NPL: variants seen among roughly 807,000 people sequenced by gnomAD.
NPL encodes the protein N-acetylneuraminate lyase.
A neutral mutation model predicts 41.1 loss-of-function variants in NPL; 32 were observed. The ratio of observed to expected loss-of-function variants is 0.78; its 90% CI spans 0.59 to 1.05. The LOEUF (loss-of-function observed/expected upper bound fraction) is 1.05, where lower values mean the gene tolerates loss of function less well. Among genes scored for constraint, NPL ranks in the 50% least tolerant of loss-of-function variants. The pLI is 0.00. For missense variants in NPL, 321 were observed against 378.4 expected, an observed-to-expected ratio of 0.85 and a Z score of 1.26; for synonymous variants, 128 against 134.9, an observed-to-expected ratio of 0.95 and a Z score of 0.35.
At chr1:182,825,670 G>C in intron 11 of NPL, 111 bp from the exon 12 acceptor site, 2 of 773,178 alleles carry the variant, frequency 2.6e-6, no homozygotes. Context: ...CAGACCTTCA[G>C]TAAATGAAGG....
chr1:182,803,979 G>T (rs1666931978), intron 4 of NPL, among the ~76,000 whole-genome samples: 1 of 152,130 alleles, frequency 6.6e-6, no homozygotes, highest in South Asian at 2.1e-4. Context: ...TTGATAGTGT[G>T]CCAACACTTA....
In NPL at chr1:182,816,576, G is replaced by T; in HGVS notation, c.365-138G>T. On this transcript the variant is annotated intron_variant, in intron 7 of 12. Coordinates refer to ENST00000367553, the MANE Select transcript of NPL (RefSeq NM_030769.3). ...TTGCAAAAACATTGCAGTAGCAGTAGCAGGGATAGTAAAAGTGGTTGAGAA... is the reference window on the plus strand; with the variant it reads ...TTGCAAAAACATTGCAGTAGCAGTATCAGGGATAGTAAAAGTGGTTGAGAA... 4.3e-6 allele frequency: 3 copies of T among 692,164 alleles called. No homozygotes were observed. The South Asian group carries it at 4.5e-5, about 10-fold the overall frequency. The allele number at this position is 692,164 out of a possible 1,614,324, so 42.9% of individuals were successfully genotyped here.
At position 182,816,696 on chromosome 1, in the gene NPL, T is replaced by C; in HGVS notation, c.365-18T>C. The C allele has an allele frequency of 6.3e-7, 1 of 1,581,492 alleles. No individual in the cohort carries two copies. Among genetic ancestry groups the C allele is most frequent in the Non-Finnish European group, 8.7e-7 (1 of 1,151,426 alleles). On this transcript the variant is annotated intron_variant, in intron 7 of 12. Transcript: ENST00000367553. ...TTTACACCTGTTCACACCATGACTG[T>C]TCCTACTGTTCTTTCAGATATCCTG...
chr1:182,805,595 T>C (rs1666981291), intron 4 of NPL, among the ~76,000 whole-genome samples: 1 of 152,364 alleles, frequency 6.6e-6, no homozygotes, highest in South Asian at 2.1e-4. Context: ...TGCTGGGTTG[T>C]TGTGAGAGTA....
Position 182,828,787 on chromosome 1 carries a change from C to A in NPL, c.842C>A (p.Pro281His), listed in dbSNP as rs1361120784. ...GTCTCTGGGATTCCAATGGGCCCAC[C>A]CCGGCTTCCACTGCAGAAAGCCTCC... ...TLVSGIPMGP[P>H]RLPLQKASRE... The change falls in exon 13 of 13, where the codon CCC becomes CAC. Residue 281 changes from proline (P) to histidine (H), a missense_variant. By Grantham distance (77) the Pro-to-His change is moderately conservative. Transcript: ENST00000367553. This position sits in a 1 kb window ranked among gnomAD's most constrained non-coding sequence, Gnocchi z 4.0. 3.1e-6 allele frequency: 5 copies of A among 1,613,986 alleles called. No homozygotes were observed. The South Asian group carries it at 4.4e-5, about 14-fold the overall frequency.
In NPL at chr1:182,813,234, G is replaced by A. The variant is rs538891636; in HGVS notation, c.288+1021G>A. On this transcript the variant is annotated intron_variant, in intron 6 of 12. Transcript: ENST00000367553. ...ACCTGGACTGCTATAAATTAACCAA[G>A]TTTCCAGAACTTAGATATTCTACCT... Among the ~76,000 whole-genome samples the A allele has an allele frequency of 4.0e-5, 6 of 151,210 alleles. No individual in the cohort carries two copies. The South Asian group carries it at 1.3e-3, about 32-fold the overall frequency.
rs1254330172 is a variant in NPL, at chr1:182,825,789, C to A, written c.747C>A (p.Ile249=). Residue 249 remains isoleucine, a synonymous_variant, in exon 12 of 13, where the codon ATC becomes ATA. Coordinates refer to ENST00000367553, the MANE Select transcript of NPL (RefSeq NM_030769.3). The part of the protein sequence containing the change: ...FSLALNYQFC[I]QRFINFVVKL... The stretch of plus-strand genomic sequence containing the variant: ...ATGTTGTTCTTTTCTAGTTTTGTAT[C>A]CAGAGATTTATCAACTTTGTTGTCA... 1.3e-6 allele frequency: 2 copies of A among 1,585,512 alleles called. No individual in the cohort carries two copies. The highest frequency in any genetic ancestry group is 1.7e-6 in the Non-Finnish European group (2 of 1,156,076).
At chr1:182,803,633 T>G in intron 3 of NPL, 65 bp from the exon 4 acceptor site, 5 of 1,085,382 alleles carry the variant, frequency 4.6e-6, no homozygotes, top group South Asian at 1.3e-5. Flanking sequence ...TTTATATACC[T>G]GAGCATTTGT....
intron 11 of NPL, among the ~76,000 whole-genome samples, chr1:182,823,476 GTCC>G (rs984075979): frequency 6.6e-5 from 10 of 152,150 alleles, no homozygotes; most frequent in African/African-American, 2.4e-4. Flanking sequence ...ATTCGCCTTT[GTCC>G]TCAGACCAAG....
chr1:182,808,641 G>C (rs1018469978), intron 5 of NPL, among the ~76,000 whole-genome samples: 1 of 152,124 alleles, frequency 6.6e-6, no homozygotes, highest in Non-Finnish European at 1.5e-5. Flanking sequence ...TGGAAGAAGA[G>C]ATTAAAGATA....
At chr1:182,810,518 A>G (rs1469759043) in intron 5 of NPL, among the ~76,000 whole-genome samples, 6 of 152,142 alleles carry the variant, frequency 3.9e-5, no homozygotes, top group Admixed American at 1.3e-4. Context: ...CTTAACCAAA[A>G]TAAGTACTCA....
intron 5 of NPL, among the ~76,000 whole-genome samples, chr1:182,807,414 T>C (rs1667046120): frequency 6.6e-6 from 1 of 152,166 alleles, no homozygotes; most frequent in Admixed American, 6.5e-5. Flanking sequence ...CCTTAATGGC[T>C]TCAGGGCAGC....
chr1:182,822,391 T>C (rs775443441), intron 11 of NPL, among the ~76,000 whole-genome samples, 192 bp downstream of exon 11: 5 of 152,222 alleles, frequency 3.3e-5, no homozygotes, highest in Non-Finnish European at 5.9e-5. Flanking sequence ...CCGACATGTC[T>C]AATCAGGACA....
At chr1:182,802,804 G>A (rs982008740) in intron 3 of NPL, among the ~76,000 whole-genome samples, 5 of 152,194 alleles carry the variant, frequency 3.3e-5, no homozygotes, top group Non-Finnish European at 5.9e-5. Flanking sequence ...TTAAGCATCA[G>A]ATCCTTACAA....
At position 182,829,648 on chromosome 1, in the gene NPL, T is replaced by C. The variant is rs1319102408; in HGVS notation, c.*740T>C. On this transcript the variant is annotated 3_prime_UTR_variant, in exon 13 of 13. Coordinates refer to ENST00000367553, the MANE Select transcript of NPL (RefSeq NM_030769.3). ...TCAAAGAACCAAAGGACTCTTCCTCTGGGCACCACAAACTTCCCCTTCCTC... is the reference window on the plus strand; with the variant it reads ...TCAAAGAACCAAAGGACTCTTCCTCCGGGCACCACAAACTTCCCCTTCCTC... The C allele has an allele frequency of 1.3e-6, 2 of 1,550,210 alleles. No individual in the cohort carries two copies. The highest frequency in any genetic ancestry group is 2.7e-5 in the African/African-American group (2 of 73,042).
chr1:182,790,768 C>T (rs1348458947), intron 1 of NPL, among the ~76,000 whole-genome samples: 1 of 152,058 alleles, frequency 6.6e-6, no homozygotes, highest in Non-Finnish European at 1.5e-5. Context: ...CTCAGCCTCC[C>T]GAGTAGCTGG....
In NPL at chr1:182,829,432, A is replaced by T; in HGVS notation, c.*524A>T. 3 of 1,423,540 alleles carry T rather than the reference A, an allele frequency of 2.1e-6. No individual in the cohort carries two copies. The highest frequency in any genetic ancestry group is 2.8e-6 in the Non-Finnish European group (3 of 1,087,720). 88.2% of individuals were successfully genotyped at this position (1,423,540 alleles called of 1,614,324 possible). A position where few individuals can be genotyped will look rare whatever the true frequency, so the allele number is the denominator to read the frequency against. ...ATTTGGCTGCTCAGTCTAACTCTAG[A>T]ATGGATGCTTTTGAATTCATTTCGA... is the stretch of plus-strand genomic sequence containing the variant. On this transcript the variant is annotated 3_prime_UTR_variant, in exon 13 of 13. Transcript: ENST00000367553.
At position 182,803,686 on chromosome 1, in the gene NPL, CAT is replaced by C. The variant is rs772719601; in HGVS notation, c.69-11_69-10del. ...AAGACTAAATATGCCTTTTTTTCCACATGTCTTCTAGAGAAATCAACTTTTCA... is the reference window on the plus strand; with the variant it reads ...AAGACTAAATATGCCTTTTTTTCCACGTCTTCTAGAGAAATCAACTTTTCA... On this transcript the variant is annotated splice_polypyrimidine_tract_variant and intron_variant, in intron 3 of 12. Transcript: ENST00000367553. The C allele has an allele frequency of 5.2e-5, 82 of 1,592,024 alleles. No individual in the cohort carries two copies. Among genetic ancestry groups the C allele is most frequent in the African/African-American group, 5.1e-4 (38 of 74,618 alleles).
At chr1:182,804,872 A>T (rs1022301822) in intron 4 of NPL, among the ~76,000 whole-genome samples, 5 of 152,214 alleles carry the variant, frequency 3.3e-5, no homozygotes, top group African/African-American at 1.2e-4. Flanking sequence ...ATAGTGGAGA[A>T]GGCAGATTCT....
Sources: allele counts gnomAD v4.1 joint callset (sites outside exome capture counted in the v4.1 genomes callset), GRCh38; gene constraint gnomAD v4.1.1; non-coding constraint Gnocchi (gnomAD v3.1); transcripts MANE v1.5; gene names NCBI Gene and HGNC (gene_info 2026-07-23, HGNC 2026-07-21).